Variants in PTPRD observed in about 807,000 individuals in gnomAD.
PTPRD encodes receptor-type tyrosine-protein phosphatase delta.
A neutral mutation model predicts 214.5 loss-of-function variants in PTPRD; 34 were observed. The observed-to-expected ratio is 0.16, with a 90% CI of 0.12 to 0.21. PTPRD has a LOEUF of 0.21. Ranked by LOEUF, PTPRD falls within the 10% of genes least tolerant of loss-of-function variation. PTPRD has a pLI of 1.00. For missense variants in PTPRD, 2,545 were observed against 2,398.7 expected (o/e 1.06, Z -1.27); for synonymous variants, 1,128 against 845.7 (o/e 1.33, Z -5.79).
intron 8 of PTPRD, among the ~76,000 whole-genome samples, chr9:9,562,060 A>G (rs1012130080): frequency 6.6e-6 from 1 of 152,202 alleles, no homozygotes; most frequent in African/African-American, 2.4e-5. Context: ...AGTCTAAAAG[A>G]CATCTGAAAT....
intron 4 of PTPRD, among the ~76,000 whole-genome samples, chr9:10,003,601 T>C (rs2096390095): frequency 6.6e-6 from 1 of 151,724 alleles, no homozygotes; most frequent in African/African-American, 2.4e-5. Flanking sequence ...TAAATCTTTT[T>C]ATAAGAGATA....
At chr9:8,702,801 G>T (rs1462087399) in intron 12 of PTPRD, among the ~76,000 whole-genome samples, 1 of 152,164 alleles carries the variant, frequency 6.6e-6, no homozygotes, top group African/African-American at 2.4e-5. Flanking sequence ...TAAAGACGGG[G>T]TTTCACCATG....
At chr9:10,218,545 C>T (rs987628197) in intron 3 of PTPRD, among the ~76,000 whole-genome samples, 2 of 151,812 alleles carry the variant, frequency 1.3e-5, no homozygotes, top group African/African-American at 4.8e-5. Context: ...TTTTTATGAG[C>T]AAAGTCACCT....
intron 8 of PTPRD, among the ~76,000 whole-genome samples, chr9:9,517,627 G>T (rs1258158381): frequency 6.6e-6 from 1 of 151,902 alleles, no homozygotes; most frequent in South Asian, 2.1e-4. Context: ...TGAAACATTA[G>T]AATCCAATTT....
At chr9:9,511,286 G>C (rs2096702469) in intron 8 of PTPRD, among the ~76,000 whole-genome samples, 1 of 151,658 alleles carries the variant, frequency 6.6e-6, no homozygotes, top group Non-Finnish European at 1.5e-5. Flanking sequence ...AACAGGTATT[G>C]ACAAATTGGT....
intron 3 of PTPRD, among the ~76,000 whole-genome samples, chr9:10,302,065 C>T (rs766830372): frequency 5.9e-5 from 9 of 152,138 alleles, no homozygotes; most frequent in South Asian, 2.1e-4. Flanking sequence ...AAACTAACAG[C>T]GGATCTCTTG....
chr9:9,686,757 T>G (rs554661090), intron 7 of PTPRD, among the ~76,000 whole-genome samples: 68 of 151,926 alleles, frequency 4.5e-4, no homozygotes, highest in Middle Eastern at 3.4e-3. Flanking sequence ...TAATACATTG[T>G]GTACATATAT....
At chr9:9,644,965 C>A (rs1301970160) in intron 7 of PTPRD, among the ~76,000 whole-genome samples, 3 of 152,326 alleles carry the variant, frequency 2.0e-5, no homozygotes, top group African/African-American at 4.8e-5. Context: ...GGATGCCACA[C>A]AAGAACCTGG....
intron 7 of PTPRD, among the ~76,000 whole-genome samples, chr9:9,595,109 G>T (rs1057325895): frequency 2.6e-5 from 4 of 151,532 alleles, no homozygotes; most frequent in Non-Finnish European, 4.4e-5. Context: ...TAGATGCGGT[G>T]AACAGGGAAC....
chr9:9,595,500 A>G (rs2093257850), intron 7 of PTPRD, among the ~76,000 whole-genome samples: 1 of 150,866 alleles, frequency 6.6e-6, no homozygotes, highest in Non-Finnish European at 1.5e-5. Flanking sequence ...ATATGTACAC[A>G]TGTACACATA....
chr9:8,496,781 T>G, intron 26 of PTPRD, among the ~76,000 whole-genome samples: 1 of 152,332 alleles, frequency 6.6e-6, no homozygotes, highest in East Asian at 1.9e-4. Context: ...TAAAGCAGGC[T>G]TATCCAACAT....
At chr9:8,869,672 A>G (rs1321019669) in intron 11 of PTPRD, among the ~76,000 whole-genome samples, 1 of 152,022 alleles carries the variant, frequency 6.6e-6, no homozygotes, top group Non-Finnish European at 1.5e-5. Flanking sequence ...GGCATTTCCT[A>G]AGAAGCTAGC....
intron 14 of PTPRD, among the ~76,000 whole-genome samples, chr9:8,576,534 A>G (rs2092379842): frequency 6.7e-6 from 1 of 150,296 alleles, no homozygotes. Flanking sequence ...TAATAATTAG[A>G]GTTATGTGTA....
chr9:10,418,871 T>A (rs192151362), intron 2 of PTPRD, among the ~76,000 whole-genome samples: 1 of 151,962 alleles, frequency 6.6e-6, no homozygotes, highest in Admixed American at 6.6e-5. Context: ...AGAAGTGATT[T>A]CCTGTTTCAC....
intron 6 of PTPRD, among the ~76,000 whole-genome samples, chr9:9,744,111 C>T (rs1344162446): frequency 6.6e-6 from 1 of 152,046 alleles, no homozygotes; most frequent in African/African-American, 2.4e-5. Flanking sequence ...TACTTATTAC[C>T]ACCATTTTCG....
chr9:8,609,841 G>A (rs181439590), intron 14 of PTPRD, among the ~76,000 whole-genome samples: 11 of 152,016 alleles, frequency 7.2e-5, no homozygotes, highest in Admixed American at 3.3e-4. Flanking sequence ...CCTTTTAACC[G>A]TATTTTTTCC....
chr9:10,473,559 T>A (rs1282267082), intron 2 of PTPRD, among the ~76,000 whole-genome samples: 2 of 152,140 alleles, frequency 1.3e-5, no homozygotes, highest in East Asian at 3.9e-4. Flanking sequence ...TGTATGGAAT[T>A]GTAACATCAG....
At chr9:8,487,734 C>G (rs922806025) in intron 27 of PTPRD, among the ~76,000 whole-genome samples, 2 of 152,080 alleles carry the variant, frequency 1.3e-5, no homozygotes, top group Admixed American at 6.5e-5. Flanking sequence ...CACTTGAACC[C>G]GGGAGGCAGA....
At chr9:8,825,383 C>T (rs2097155058) in intron 11 of PTPRD, among the ~76,000 whole-genome samples, 1 of 152,118 alleles carries the variant, frequency 6.6e-6, no homozygotes. Context: ...ATGTTTATTG[C>T]ACTCATGTAA....
Sources: allele counts gnomAD v4.1 joint callset (sites outside exome capture counted in the v4.1 genomes callset), GRCh38; gene constraint gnomAD v4.1.1; transcripts MANE v1.5; gene names NCBI Gene and HGNC (gene_info 2026-07-23, HGNC 2026-07-21).